PLEKHB2: variants seen among roughly 807,000 people sequenced by gnomAD.
The protein encoded by PLEKHB2 is pleckstrin homology domain-containing family B member 2.
In PLEKHB2, 31 loss-of-function variants were observed where a neutral mutation model predicts 36.5. The ratio of observed to expected loss-of-function variants is 0.85; its 90% CI spans 0.64 to 1.15. PLEKHB2 has a LOEUF of 1.15. Among genes scored for constraint, PLEKHB2 ranks in the 50% most tolerant of loss-of-function variants. PLEKHB2 has a pLI of 0.00. For synonymous variants in PLEKHB2, 119 were observed against 112.0 expected (o/e 1.06, Z -0.39); for missense variants, 262 against 295.3 (o/e 0.89, Z 0.83).
At chr2:131,145,100 G>C (rs1699151506) in intron 7 of PLEKHB2, among the ~76,000 whole-genome samples, 1 of 152,124 alleles carries the variant, frequency 6.6e-6, no homozygotes, top group South Asian at 2.1e-4. Context: ...GGCATTAGTG[G>C]GTATAAATGC....
At chr2:131,143,385 C>T (rs1250052457) in intron 7 of PLEKHB2, among the ~76,000 whole-genome samples, 1 of 152,146 alleles carries the variant, frequency 6.6e-6, no homozygotes, top group Non-Finnish European at 1.5e-5. Flanking sequence ...ATCATATGTC[C>T]ATCACTGGCT....
chr2:131,138,760 C>CT (rs1374808130), intron 6 of PLEKHB2, among the ~76,000 whole-genome samples: 1 of 152,208 alleles, frequency 6.6e-6, no homozygotes, highest in Non-Finnish European at 1.5e-5. Flanking sequence ...AAAGGACTCA[C>CT]TTTCCACTTG....
chr2:131,131,775 T>TG (rs1222438217), intron 5 of PLEKHB2, among the ~76,000 whole-genome samples: 10 of 150,578 alleles, frequency 6.6e-5, no homozygotes, highest in African/African-American at 2.4e-4. Context: ...TTTTTTTTTT[T>TG]GGGTAAAATT....
In PLEKHB2 at chr2:131,140,812, G is replaced by T. The variant is rs1175052450; in HGVS notation, c.532+537G>T. 6.6e-5 allele frequency among the ~76,000 whole-genome samples: 10 copies of T among 152,218 alleles called. 1 individual carries two copies. The South Asian group carries it at 2.1e-3, about 32-fold the overall frequency. ...TCTCCTGGGCAAGGGGGTTGGCAGGGTGGAGGTGTGGGACAATGCTGGCCA... is the reference window on the plus strand; with the variant it reads ...TCTCCTGGGCAAGGGGGTTGGCAGGTTGGAGGTGTGGGACAATGCTGGCCA... On this transcript the variant is annotated intron_variant, in intron 7 of 7. Transcript: ENST00000693505.
At position 131,125,761 on chromosome 2, in the gene PLEKHB2, T is replaced by C; in HGVS notation, c.46T>C (p.Leu16=). 6.2e-7 allele frequency: 1 copy of C among 1,607,512 alleles called. No homozygotes were observed. The change falls in exon 3 of 8, where the codon TTG becomes CTG. Residue 16 remains leucine (L), a synonymous_variant. Transcript: ENST00000693505. ...CTATTTTTTTTTTCCAGGTACTATT[T>C]TGAAGCGCTGGAAGAAGAACTGGTT... The part of the protein sequence containing the change: ...SGWLLRQSTI[L]KRWKKNWFDL...
intron 1 of PLEKHB2, among the ~76,000 whole-genome samples, chr2:131,119,731 G>C (rs1256229854): frequency 6.6e-6 from 1 of 152,072 alleles, no homozygotes; most frequent in Non-Finnish European, 1.5e-5. Context: ...TGGGTGTCTT[G>C]GAGGTTTTCA....
At chr2:131,113,908 C>T (rs1278589377) in intron 1 of PLEKHB2, among the ~76,000 whole-genome samples, 1 of 152,074 alleles carries the variant, frequency 6.6e-6, no homozygotes, top group African/African-American at 2.4e-5. Flanking sequence ...TGATTTCTCC[C>T]CACCTCTAGA....
rs1697651007 is a variant in PLEKHB2, at chr2:131,131,270, C to T, written c.333+510C>T. Among the ~76,000 whole-genome samples the T allele has an allele frequency of 2.6e-5, 4 of 152,330 alleles. No homozygotes were observed. The South Asian group carries it at 8.3e-4, about 32-fold the overall frequency. ...CCTGCTCTTACAGGCATGCTTGTTC[C>T]AGTGTTGCTTTCTAGAAATGCTTGT... On this transcript the variant is annotated intron_variant, in intron 5 of 7. Coordinates refer to ENST00000693505, the MANE Select transcript of PLEKHB2 (RefSeq NM_001100623.2).
At chr2:131,125,066 G>A (rs555244017) in intron 2 of PLEKHB2, among the ~76,000 whole-genome samples, 2 of 152,246 alleles carry the variant, frequency 1.3e-5, no homozygotes, top group Admixed American at 6.5e-5. Flanking sequence ...TTACACGCGT[G>A]AACCACCGTG....
intron 1 of PLEKHB2, among the ~76,000 whole-genome samples, chr2:131,107,240 C>T (rs1194895066): frequency 6.6e-6 from 1 of 152,184 alleles, no homozygotes; most frequent in East Asian, 1.9e-4. Flanking sequence ...CTAATTGACC[C>T]AGTTGTTTTG....
chr2:131,134,596 A>G (rs1406827164), intron 6 of PLEKHB2, among the ~76,000 whole-genome samples: 1 of 151,960 alleles, frequency 6.6e-6, no homozygotes, highest in East Asian at 1.9e-4. Flanking sequence ...CCTTCCTTTG[A>G]TCCCACACAG....
At chr2:131,135,719 G>C (rs1036785180) in intron 6 of PLEKHB2, among the ~76,000 whole-genome samples, 3 of 151,984 alleles carry the variant, frequency 2.0e-5, no homozygotes, top group African/African-American at 7.3e-5. Flanking sequence ...TTCTGCCTCA[G>C]CCTCTCTAGT....
intron 2 of PLEKHB2, among the ~76,000 whole-genome samples, chr2:131,122,101 T>A (rs1696582063): frequency 6.6e-6 from 1 of 152,068 alleles, no homozygotes; most frequent in Admixed American, 6.5e-5. Context: ...TTTCTCCATG[T>A]TGAGCCTGGT....
intron 7 of PLEKHB2, among the ~76,000 whole-genome samples, chr2:131,146,177 T>C (rs1559116476): frequency 6.6e-6 from 1 of 150,704 alleles, no homozygotes; most frequent in Non-Finnish European, 1.5e-5. Context: ...CAAGACTCCT[T>C]CTCAAAAAAA....
intron 1 of PLEKHB2, among the ~76,000 whole-genome samples, chr2:131,115,057 C>T (rs1045369864): frequency 2.0e-4 from 31 of 152,178 alleles, no homozygotes; most frequent in African/African-American, 5.1e-4. Flanking sequence ...AGTTGACTCA[C>T]AGTTCCACAT....
At chr2:131,109,783 T>C (rs1417854647) in intron 1 of PLEKHB2, among the ~76,000 whole-genome samples, 1 of 152,194 alleles carries the variant, frequency 6.6e-6, no homozygotes, top group East Asian at 1.9e-4. Flanking sequence ...CTTTTTAAAC[T>C]ATAGACAACT....
Position 131,132,940 on chromosome 2 carries a change from C to A in PLEKHB2, c.372C>A (p.Ser124=). The change falls in exon 6 of 8, where the codon TCC becomes TCA. Residue 124 remains serine, a synonymous_variant. Transcript: ENST00000693505. ...VGSAVMTDET[S]VVSSPPPYTA... ...CTGCAGTCATGACCGATGAGACATC[C>A]GTGGTTTCCTCACCTCCACCATACA... 2 of 1,613,712 alleles carry A rather than the reference C, an allele frequency of 1.2e-6. No individual in the cohort carries two copies. Among genetic ancestry groups the A allele is most frequent in the Non-Finnish European group, 1.7e-6 (2 of 1,179,620 alleles).
At chr2:131,105,746 C>G (rs1000190227) in intron 1 of PLEKHB2, among the ~76,000 whole-genome samples, 7 of 152,200 alleles carry the variant, frequency 4.6e-5, no homozygotes, top group Non-Finnish European at 1.0e-4. Context: ...TCTCCGGCCC[C>G]GCGGACCCTC....
chr2:131,108,951 C>T (rs975532991), intron 1 of PLEKHB2, among the ~76,000 whole-genome samples: 2 of 152,158 alleles, frequency 1.3e-5, no homozygotes, highest in East Asian at 1.9e-4. Flanking sequence ...GGCTTGGAAA[C>T]GTGACTTGTC....
Sources: allele counts gnomAD v4.1 joint callset (sites outside exome capture counted in the v4.1 genomes callset), GRCh38; gene constraint gnomAD v4.1.1; transcripts MANE v1.5; gene names NCBI Gene and HGNC (gene_info 2026-07-23, HGNC 2026-07-21).